The following GRM8 variants were observed in gnomAD, a reference collection of about 807,000 sequenced individuals.
GRM8 encodes the protein metabotropic glutamate receptor 8.
A neutral mutation model predicts 87.2 loss-of-function variants in GRM8; 47 were observed. That is an observed-to-expected ratio of 0.54 (90% confidence interval 0.43 to 0.69). The LOEUF (loss-of-function observed/expected upper bound fraction) is 0.69, where lower values mean the gene tolerates loss of function less well. GRM8 is among the 30% of genes least tolerant of loss of function. GRM8 has a pLI of 0.00. For missense variants in GRM8, 1,019 were observed against 1,139.2 expected (o/e 0.89, Z 1.52); for synonymous variants, 396 against 404.5 (o/e 0.98, Z 0.25).
chr7:127,202,567 G>T (rs921995564), intron 2 of GRM8, among the ~76,000 whole-genome samples: 1 of 152,156 alleles, frequency 6.6e-6, no homozygotes, highest in African/African-American at 2.4e-5. Context: ...GTGCCAGGCA[G>T]CTAAGCACTT....
intron 7 of GRM8, among the ~76,000 whole-genome samples, chr7:126,706,908 C>A (rs969827153): frequency 1.3e-5 from 2 of 152,098 alleles, no homozygotes; most frequent in Admixed American, 1.3e-4. Flanking sequence ...CAAAGGTAGA[C>A]AAAATGCTCA....
intron 7 of GRM8, among the ~76,000 whole-genome samples, chr7:126,743,880 G>A (rs530041508): frequency 1.8e-4 from 27 of 149,754 alleles, no homozygotes; most frequent in Non-Finnish European, 3.4e-4. Flanking sequence ...CTTCCATTGT[G>A]TTGACATTTG....
chr7:126,859,223 G>A (rs554355710), intron 6 of GRM8, among the ~76,000 whole-genome samples: 1 of 151,700 alleles, frequency 6.6e-6, no homozygotes, highest in Admixed American at 6.6e-5. Context: ...GGCACAGCTT[G>A]TGGCACACAG....
At chr7:127,068,577 T>C (rs1437796776) in intron 3 of GRM8, among the ~76,000 whole-genome samples, 3 of 152,194 alleles carry the variant, frequency 2.0e-5, no homozygotes, top group Non-Finnish European at 2.9e-5. Context: ...GATTTCTTCC[T>C]AGAAACAGGA....
intron 6 of GRM8, among the ~76,000 whole-genome samples, chr7:126,855,721 C>T (rs540213959): frequency 2.6e-5 from 4 of 152,184 alleles, no homozygotes; most frequent in East Asian, 3.9e-4. Context: ...AGTGATAAAC[C>T]GCCTTGGTCT....
At chr7:127,035,937 T>C (rs1817801661) in intron 3 of GRM8, among the ~76,000 whole-genome samples, 1 of 152,192 alleles carries the variant, frequency 6.6e-6, no homozygotes, top group Admixed American at 6.5e-5. Context: ...CAGGTATTTC[T>C]CTCTTCTGAC....
At chr7:126,988,757 A>G (rs2131926113) in intron 3 of GRM8, among the ~76,000 whole-genome samples, 1 of 152,354 alleles carries the variant, frequency 6.6e-6, no homozygotes, top group African/African-American at 2.4e-5. Flanking sequence ...CATACAAACT[A>G]TATACATGCA....
intron 2 of GRM8, among the ~76,000 whole-genome samples, chr7:127,186,232 G>A (rs1351319988): frequency 3.3e-5 from 5 of 152,078 alleles, no homozygotes; most frequent in Admixed American, 6.6e-5. Context: ...GGTGGGGTGA[G>A]GGGAAAATGA....
chr7:126,962,842 G>A (rs148807440), intron 3 of GRM8, among the ~76,000 whole-genome samples: 2,540 of 152,240 alleles, frequency 0.017, 28 homozygotes, highest in Non-Finnish European at 0.024. Flanking sequence ...GATTGTTCCC[G>A]TGCACTTACC....
At chr7:126,978,187 G>C (rs1048893282) in intron 3 of GRM8, among the ~76,000 whole-genome samples, 4 of 152,020 alleles carry the variant, frequency 2.6e-5, no homozygotes, top group East Asian at 1.9e-4. Context: ...AGGAGAAAAA[G>C]AGTAGGGAAG....
chr7:126,853,956 G>A (rs941014456), intron 6 of GRM8, among the ~76,000 whole-genome samples: 2 of 152,192 alleles, frequency 1.3e-5, no homozygotes, highest in African/African-American at 4.8e-5. Flanking sequence ...AGTGGAAGTT[G>A]TGGTCAACTG....
chr7:126,825,619 G>C (rs1029352754), intron 6 of GRM8, among the ~76,000 whole-genome samples: 5 of 151,690 alleles, frequency 3.3e-5, no homozygotes, highest in African/African-American at 1.2e-4. Context: ...TAAAGGACTG[G>C]GTAAAATAAG....
At chr7:126,635,186 A>G (rs1330326092) in intron 7 of GRM8, among the ~76,000 whole-genome samples, 1 of 152,194 alleles carries the variant, frequency 6.6e-6, no homozygotes, top group Non-Finnish European at 1.5e-5. Flanking sequence ...CCAATAACTA[A>G]TTAATTCAAA....
chr7:127,237,802 T>G (rs534180775), intron 2 of GRM8, among the ~76,000 whole-genome samples: 2 of 152,356 alleles, frequency 1.3e-5, no homozygotes, highest in East Asian at 3.9e-4. Context: ...AGTGTCCTCT[T>G]ACAACCCAGT....
intron 7 of GRM8, chr7:126,701,675 T>C: frequency 2.0e-6 from 1 of 489,172 alleles, no homozygotes; most frequent in Non-Finnish European, 3.9e-6. Context: ...TAGTAAAATA[T>C]TGTGAGAATT....
intron 9 of GRM8, among the ~76,000 whole-genome samples, chr7:126,502,093 A>G (rs1241516506): frequency 6.6e-6 from 1 of 152,096 alleles, no homozygotes; most frequent in Non-Finnish European, 1.5e-5. Flanking sequence ...ACCTGTCATT[A>G]TAAGGCTAAG....
chr7:126,624,050 T>C (rs367551519), intron 7 of GRM8, among the ~76,000 whole-genome samples: 10 of 152,334 alleles, frequency 6.6e-5, no homozygotes, highest in African/African-American at 2.4e-4. Context: ...TAACCTTGTC[T>C]TGGCTACTAT....
intron 3 of GRM8, among the ~76,000 whole-genome samples, chr7:127,078,042 G>C (rs1414838426): frequency 6.6e-6 from 1 of 152,248 alleles, no homozygotes; most frequent in Non-Finnish European, 1.5e-5. Context: ...TCACAGAGTT[G>C]AGAAGGCTGT....
At chr7:126,558,293 A>G (rs900429559) in intron 8 of GRM8, among the ~76,000 whole-genome samples, 5 of 152,194 alleles carry the variant, frequency 3.3e-5, no homozygotes, top group Non-Finnish European at 5.9e-5. Context: ...TTAATCTTAA[A>G]ACATCCCTAT....
Sources: gnomAD v4.1 joint callset for allele counts (sites outside exome capture counted in the v4.1 genomes callset) on GRCh38, gnomAD v4.1.1 for gene constraint, MANE v1.5 for transcripts, NCBI Gene and HGNC (gene_info 2026-07-23, HGNC 2026-07-21) for gene names.